ZNF620: variants seen among roughly 807,000 people sequenced by gnomAD.
ZNF620 encodes zinc finger protein 620.
Under a neutral mutation model 13.3 loss-of-function variants are expected in ZNF620, and 10 were observed. That is an observed-to-expected ratio of 0.75 (90% CI 0.46 to 1.28). ZNF620 has a LOEUF of 1.28. Among genes scored for constraint, ZNF620 ranks in the 50% most tolerant of loss-of-function variants. The pLI is 0.00. For synonymous variants in ZNF620, 166 were observed against 177.6 expected (o/e 0.93, Z 0.52); for missense variants, 461 against 500.2 (o/e 0.92, Z 0.75).
intron 3 of ZNF620, among the ~76,000 whole-genome samples, chr3:40,511,880 C>G (rs1336789033): frequency 2.0e-5 from 3 of 151,998 alleles, no homozygotes; most frequent in Admixed American, 1.3e-4. Context: ...TGGGGTTTCT[C>G]CATGTTGGCC....
rs1194980981 is a variant in ZNF620, at chr3:40,516,388, C to T, written c.794C>T (p.Thr265Ile). Residue 265 changes from threonine to isoleucine, a missense_variant, in exon 5 of 5, where the codon ACA becomes ATA. Thr to Ile is a moderately conservative substitution (Grantham distance 89, BLOSUM62 -1). Coordinates refer to ENST00000314529, the MANE Select transcript of ZNF620 (RefSeq NM_175888.4). ...KECGKGLSSD[T>I]ALIQHQRIHT... ...TGTGGAAAAGGTTTAAGTTCAGACACAGCCTTGATTCAGCATCAGAGAATC... is the reference window on the plus strand; with the variant it reads ...TGTGGAAAAGGTTTAAGTTCAGACATAGCCTTGATTCAGCATCAGAGAATC... 1.2e-6 allele frequency: 2 copies of T among 1,614,224 alleles called. No homozygotes were observed.
intron 4 of ZNF620, among the ~76,000 whole-genome samples, chr3:40,514,953 T>G (rs1698326223): frequency 6.6e-6 from 1 of 152,316 alleles, no homozygotes; most frequent in Non-Finnish European, 1.5e-5. Flanking sequence ...CTACGTCATC[T>G]GAGTAAAAAT....
chr3:40,512,342 G>C, intron 3 of ZNF620, 60 bp from the exon 4 acceptor site: 1 of 1,429,844 alleles, frequency 7.0e-7, no homozygotes, highest in Non-Finnish European at 9.8e-7. Flanking sequence ...AAAGGGGGCT[G>C]CAAGAGGATC....
chr3:40,510,090 G>A (rs985100114), intron 2 of ZNF620, among the ~76,000 whole-genome samples: 7 of 150,884 alleles, frequency 4.6e-5, no homozygotes, highest in Non-Finnish European at 1.0e-4. Flanking sequence ...GCACGATCAC[G>A]GCTCACTGTA....
chr3:40,511,124 G>A (rs1200440429), intron 2 of ZNF620, among the ~76,000 whole-genome samples: 1 of 152,090 alleles, frequency 6.6e-6, no homozygotes, highest in Admixed American at 6.5e-5. Flanking sequence ...GTACAAAAGT[G>A]TTATTCACTG....
chr3:40,506,375 A>G lies in ZNF620; in HGVS notation c.23A>G (p.Gln8Arg), dbSNP rs1698016915. Residue 8 changes from glutamine to arginine, a missense_variant and splice_region_variant, in exon 2 of 5, where the codon CAG (glutamine) becomes CGG (arginine). Coordinates refer to ENST00000314529, the MANE Select transcript of ZNF620 (RefSeq NM_175888.4). MFQTAWR[Q>R]EPVTFEDVAV... The stretch of plus-strand genomic sequence containing the variant: ...GCCATGTTCCAGACCGCTTGGCGCC[A>G]GGTGAGTGAGCATCCTCTCCCTCCC... 4.3e-6 allele frequency: 7 copies of G among 1,613,928 alleles called. No homozygotes were observed. The highest frequency in any genetic ancestry group is 1.7e-5 in the Admixed American group (1 of 60,002).
In ZNF620 at chr3:40,516,341, G is replaced by T. The variant is rs558758424; in HGVS notation, c.747G>T (p.Lys249Asn). The T allele has an allele frequency of 1.2e-6, 2 of 1,614,180 alleles. No homozygotes were observed. Among genetic ancestry groups the T allele is most frequent in the South Asian group, 2.2e-5 (2 of 91,088 alleles). ...GGCATCAGATAATTCACACTGGAAA[G>T]AAACCATTTAAATGTAAAGAATGTG... ...LIRHQIIHTGKKPFKCKECGK... is the reference protein window; with the variant it reads ...LIRHQIIHTGNKPFKCKECGK... Residue 249 changes from lysine to asparagine, a missense_variant, in exon 5 of 5, where the codon AAG becomes AAT. Physicochemically the swap from Lys to Asn is moderately conservative, Grantham distance 94. Transcript: ENST00000314529.
rs556577544 is a variant in ZNF620 at position 40,511,272 on chromosome 3, T to C, written c.25-198T>C. Among the ~76,000 whole-genome samples, 190 of 152,186 alleles carry C rather than the reference T, an allele frequency of 1.2e-3. 1 individual carries two copies. The highest frequency in any genetic ancestry group is 4.4e-3 in the African/African-American group (182 of 41,546). ...AGCAGATGAAAATAGAGCTGTTTGC[T>C]GGGGATGACCACAAAGGGGTGCAAT... On this transcript the variant is annotated intron_variant, in intron 2 of 4. Transcript: ENST00000314529.
In ZNF620 at chr3:40,516,418, C is replaced by T; in HGVS notation, c.824C>T (p.Thr275Ile). The change falls in exon 5 of 5, where the codon ACT becomes ATT. Residue 275 changes from threonine to isoleucine, a missense_variant. Physicochemically the swap from Thr to Ile is moderately conservative, Grantham distance 89 (BLOSUM62 -1). Coordinates refer to ENST00000314529, the MANE Select transcript of ZNF620 (RefSeq NM_175888.4). Reference sequence around the variant, plus strand: ...TTGATTCAGCATCAGAGAATCCACACTGGAGAAAAGCCCTATGAATGTAAG... The same window carrying T: ...TTGATTCAGCATCAGAGAATCCACATTGGAGAAAAGCCCTATGAATGTAAG... The part of the protein sequence containing the change: ...TALIQHQRIH[T>I]GEKPYECKEC... The T allele has an allele frequency of 6.2e-7, 1 of 1,614,240 alleles. No homozygotes were observed. The highest frequency in any genetic ancestry group is 8.5e-7 in the Non-Finnish European group (1 of 1,180,038).
chr3:40,508,793 G>A (rs1267059638), intron 2 of ZNF620: 1 of 456,394 alleles, frequency 2.2e-6, no homozygotes, highest in African/African-American at 2.0e-5. Flanking sequence ...CACTGTGCTT[G>A]GCTCTCTTCT....
rs748951022 is a variant in ZNF620 at position 40,515,988 on chromosome 3, A to C, written c.394A>C (p.Ser132Arg). The C allele has an allele frequency of 7.4e-6, 12 of 1,613,998 alleles. No homozygotes were observed. Among genetic ancestry groups the C allele is most frequent in the Non-Finnish European group, 1.0e-5 (12 of 1,179,966 alleles). ...TTCCCAGCACCTTGACTTTGGGAGC[A>C]GCCTAGAGCAGCCACAAGGTCATTG... is the stretch of plus-strand genomic sequence containing the variant. ...NVSQHLDFGS[S>R]LEQPQGHWII... is the part of the protein sequence containing the mutation. Residue 132 changes from serine (S) to arginine (R), a missense_variant, in exon 5 of 5, where the codon AGC (serine) becomes CGC (arginine). Physicochemically the swap from Ser to Arg is moderately radical, Grantham distance 110. Transcript: ENST00000314529.
chr3:40,516,203 A>G lies in ZNF620; in HGVS notation c.609A>G (p.Arg203=). ...CTTATGAATGTGGACAATGTGGCAG[A>G]TATTTCATTCAAATGGCAGACTTCC... ...QISYECGQCG[R]YFIQMADFHR... The change falls in exon 5 of 5, where the codon AGA becomes AGG. Residue 203 remains arginine, a synonymous_variant. Coordinates refer to ENST00000314529, the MANE Select transcript of ZNF620 (RefSeq NM_175888.4). 2 of 1,614,140 alleles carry G rather than the reference A, an allele frequency of 1.2e-6. No individual in the cohort carries two copies.
chr3:40,513,316 A>AT (rs1553657106), intron 4 of ZNF620, among the ~76,000 whole-genome samples: 9 of 62,668 alleles, frequency 1.4e-4, no homozygotes, highest in African/African-American at 3.4e-4. Flanking sequence ...AAAAAAAAAA[A>AT]ATATATATAT....
rs1698194344 is a variant in ZNF620, at chr3:40,511,452, A to G, written c.25-18A>G. ...CTCTGCCCTCACACAGGGTTTGAGCAGGAACTTGTTGTTTTAGGAACCAGT... is the reference window on the plus strand; with the variant it reads ...CTCTGCCCTCACACAGGGTTTGAGCGGGAACTTGTTGTTTTAGGAACCAGT... On this transcript the variant is annotated intron_variant, in intron 2 of 4. Transcript: ENST00000314529. 1 of 1,611,176 alleles carries G rather than the reference A, an allele frequency of 6.2e-7. No homozygotes were observed. The highest frequency in any genetic ancestry group is 8.5e-7 in the Non-Finnish European group (1 of 1,178,348).
At chr3:40,511,958 A>G (rs984004120) in intron 3 of ZNF620, among the ~76,000 whole-genome samples, 17 of 151,992 alleles carry the variant, frequency 1.1e-4, no homozygotes, top group African/African-American at 3.9e-4. Flanking sequence ...CTGGGAAGAC[A>G]TGTGTGAGCC....
chr3:40,508,884 C>A (rs1698113625), intron 2 of ZNF620: 1 of 438,608 alleles, frequency 2.3e-6, no homozygotes, highest in African/African-American at 2.0e-5. Flanking sequence ...TCCCAAAGTG[C>A]TGGGATTACA....
chr3:40,506,183 A>G, intron 1 of ZNF620, 45 bp downstream of exon 1: 1 of 800,582 alleles, frequency 1.2e-6, no homozygotes, highest in Non-Finnish European at 2.1e-6. Context: ...TGGTTTTGCA[A>G]CCCCTTTGCT....
chr3:40,510,857 C>T (rs1335210427), intron 2 of ZNF620, among the ~76,000 whole-genome samples: 4 of 152,156 alleles, frequency 2.6e-5, no homozygotes, highest in Admixed American at 6.5e-5. Flanking sequence ...TCAGGTGATC[C>T]TCCCATCTCA....
In ZNF620 at chr3:40,517,019, CTT is replaced by C; in HGVS notation, c.*158_*159del. On this transcript the variant is annotated 3_prime_UTR_variant, in exon 5 of 5. Transcript: ENST00000314529. Reference sequence around the variant, plus strand: ...AACCTGTTTCCCCAACATGAAGTCTCTTTATGGTTAGAGAAGACCAAAAAACA... The same window carrying C: ...AACCTGTTTCCCCAACATGAAGTCTCTATGGTTAGAGAAGACCAAAAAACA... 1.3e-6 allele frequency: 1 copy of C among 753,288 alleles called. No individual in the cohort carries two copies. The highest frequency in any genetic ancestry group is 2.0e-6 in the Non-Finnish European group (1 of 490,242). The allele number at this position is 753,288 out of a possible 1,614,324, so 46.7% of individuals were successfully genotyped here. A position where few individuals can be genotyped will look rare whatever the true frequency, so the allele number is the denominator to read the frequency against.
Sources: allele counts gnomAD v4.1 joint callset (sites outside exome capture counted in the v4.1 genomes callset), GRCh38; gene constraint gnomAD v4.1.1; transcripts MANE v1.5; gene names NCBI Gene and HGNC (gene_info 2026-07-23, HGNC 2026-07-21).